GALNT13: variants seen among roughly 807,000 people sequenced by gnomAD.
GALNT13 encodes polypeptide N-acetylgalactosaminyltransferase 13.
In GALNT13, 28 loss-of-function variants were observed where a neutral mutation model predicts 64.2. That is an observed-to-expected ratio of 0.44 (90% confidence interval 0.32 to 0.60). The LOEUF is 0.60. GALNT13 is among the 20% of genes least tolerant of loss of function. GALNT13 has a pLI of 0.05. For synonymous variants in GALNT13, 214 were observed against 224.6 expected (o/e 0.95, Z 0.42); for missense variants, 577 against 669.8 (o/e 0.86, Z 1.53).
intron 3 of GALNT13, among the ~76,000 whole-genome samples, chr2:153,947,144 T>C (rs1691815520): frequency 6.6e-6 from 1 of 152,100 alleles, no homozygotes. Flanking sequence ...TGTTAATGAA[T>C]TTTTGACATA....
chr2:153,115,865 A>G, the GALNT13 span, among the ~76,000 whole-genome samples: 1 of 152,190 alleles, frequency 6.6e-6, no homozygotes, highest in African/African-American at 2.4e-5. Context: ...CTGTGAACCA[A>G]TTAAACTTAG....
chr2:153,802,854 T>C, the GALNT13 span, among the ~76,000 whole-genome samples: 2 of 152,220 alleles, frequency 1.3e-5, no homozygotes, highest in Non-Finnish European at 2.9e-5. Flanking sequence ...AAGCTCAGGC[T>C]CATGCCTTAG....
At chr2:153,916,459 G>A (rs901122865) in intron 2 of GALNT13, among the ~76,000 whole-genome samples, 1 of 151,950 alleles carries the variant, frequency 6.6e-6, no homozygotes, top group Non-Finnish European at 1.5e-5. Flanking sequence ...GCCCAGCCTA[G>A]GTAATCCGAT....
At chr2:154,367,964 G>T (rs1352044563) in intron 9 of GALNT13, among the ~76,000 whole-genome samples, 2 of 152,060 alleles carry the variant, frequency 1.3e-5, no homozygotes, top group Non-Finnish European at 2.9e-5. Flanking sequence ...AATATTTTCA[G>T]AACTATAGTT....
chr2:154,292,577 A>G (rs539954774), intron 8 of GALNT13, among the ~76,000 whole-genome samples: 1 of 152,324 alleles, frequency 6.6e-6, no homozygotes, highest in Admixed American at 6.5e-5. Context: ...TCACAGAAAA[A>G]TGACATAACT....
rs113525722 is a variant in GALNT13 at position 154,007,126 on chromosome 2, C to T, written c.142+62487C>T. ...ACTGAGACATTGCTTGTGAGAGAGA[C>T]GCTCTTACTGGCCTTGAAGTAGTAA... is the stretch of plus-strand genomic sequence containing the variant. On this transcript the variant is annotated intron_variant, in intron 3 of 12. Transcript: ENST00000392825. Among the ~76,000 whole-genome samples the T allele has an allele frequency of 6.6e-5, 10 of 152,320 alleles. 1 individual carries two copies. Among genetic ancestry groups the T allele is most frequent in the Admixed American group, 2.0e-4 (3 of 15,300 alleles).
At chr2:153,738,303 T>C in the GALNT13 span, among the ~76,000 whole-genome samples, 1 of 152,036 alleles carries the variant, frequency 6.6e-6, no homozygotes, top group Non-Finnish European at 1.5e-5. Context: ...CCATGTTTTA[T>C]TGAAAGTAGC....
chr2:153,119,971 T>G, the GALNT13 span, among the ~76,000 whole-genome samples: 1 of 152,192 alleles, frequency 6.6e-6, no homozygotes, highest in East Asian at 1.9e-4. Flanking sequence ...AAATAAGCTA[T>G]TTTTCTTGGA....
the GALNT13 span, among the ~76,000 whole-genome samples, chr2:153,645,786 A>T: frequency 1.3e-5 from 2 of 152,088 alleles, no homozygotes; most frequent in African/African-American, 2.4e-5. Context: ...TTCATTTTAC[A>T]TTCCTTTTTC....
chr2:153,723,351 T>G, the GALNT13 span, among the ~76,000 whole-genome samples: 3 of 150,738 alleles, frequency 2.0e-5, no homozygotes, highest in African/African-American at 7.4e-5. Context: ...AATATCATAC[T>G]GAATGGGCAA....
At chr2:153,247,715 A>G in the GALNT13 span, among the ~76,000 whole-genome samples, 9 of 152,308 alleles carry the variant, frequency 5.9e-5, no homozygotes, top group East Asian at 1.7e-3. Context: ...AACTAAGATC[A>G]GAGCAGAAAT....
At chr2:154,244,226 C>T (rs1278078769) in intron 6 of GALNT13, among the ~76,000 whole-genome samples, 4 of 151,898 alleles carry the variant, frequency 2.6e-5, no homozygotes, top group Non-Finnish European at 5.9e-5. Flanking sequence ...ATATGATGAA[C>T]CCTATTGTCT....
At chr2:154,131,808 G>T (rs548693244) in intron 3 of GALNT13, among the ~76,000 whole-genome samples, 9 of 152,314 alleles carry the variant, frequency 5.9e-5, no homozygotes, top group African/African-American at 2.2e-4. Flanking sequence ...GAGGAGCAAG[G>T]AAGCCAGTCC....
At chr2:153,491,739 G>T in the GALNT13 span, among the ~76,000 whole-genome samples, 3 of 151,894 alleles carry the variant, frequency 2.0e-5, no homozygotes, top group Admixed American at 1.3e-4. Context: ...TCTTGCCTCA[G>T]CCTCCCTGGT....
At chr2:154,035,329 TA>T (rs1465799421) in intron 3 of GALNT13, among the ~76,000 whole-genome samples, 2 of 152,152 alleles carry the variant, frequency 1.3e-5, no homozygotes, top group Admixed American at 1.3e-4. Context: ...TAATTATTTT[TA>T]TGTGGTATAA....
intron 3 of GALNT13, among the ~76,000 whole-genome samples, chr2:153,962,772 A>G (rs1160227313): frequency 2.0e-5 from 3 of 152,154 alleles, no homozygotes; most frequent in Non-Finnish European, 4.4e-5. Flanking sequence ...CCTCTGCACA[A>G]TGTCCCTCAT....
chr2:154,409,203 T>C, intron 11 of GALNT13, 121 bp downstream of exon 11: 1 of 725,066 alleles, frequency 1.4e-6, no homozygotes, highest in East Asian at 2.7e-5. Context: ...AAATGTACAC[T>C]CAAATCTAGA....
the GALNT13 span, among the ~76,000 whole-genome samples, chr2:153,854,748 T>G: frequency 9.9e-5 from 15 of 152,156 alleles, no homozygotes; most frequent in Non-Finnish European, 2.1e-4. Context: ...CTCCACAAAT[T>G]AATTTATGGT....
At chr2:153,673,674 C>T in the GALNT13 span, among the ~76,000 whole-genome samples, 2 of 152,146 alleles carry the variant, frequency 1.3e-5, no homozygotes, top group African/African-American at 4.8e-5. Context: ...TCTCACCACT[C>T]CTATTCAACA....
Sources: gnomAD v4.1 joint callset for allele counts (sites outside exome capture counted in the v4.1 genomes callset) on GRCh38, gnomAD v4.1.1 for gene constraint, MANE v1.5 for transcripts, NCBI Gene and HGNC (gene_info 2026-07-23, HGNC 2026-07-21) for gene names.